Variants in DPP9 observed in about 807,000 individuals in gnomAD.
The protein encoded by DPP9 is dipeptidyl peptidase IV-related protein-2.
Under a neutral mutation model 110.7 loss-of-function variants are expected in DPP9, and 50 were observed. That is an observed-to-expected ratio of 0.45 (90% CI 0.36 to 0.57). The LOEUF (loss-of-function observed/expected upper bound fraction) is 0.57. Ranked by LOEUF, DPP9 falls within the 20% of genes least tolerant of loss-of-function variation. The probability of loss-of-function intolerance (pLI) is 0.00; values close to 1 mark genes in which losing one functional copy is unlikely to be tolerated. For missense variants in DPP9, 1,022 were observed against 1,217.9 expected (o/e 0.84, Z 2.39); for synonymous variants, 561 against 514.4 (o/e 1.09, Z -1.23).
Position 4,694,384 on chromosome 19 carries a change from G to A in DPP9, c.1516+277C>T, listed in dbSNP as rs1471125230. The A allele has an allele frequency of 1.9e-6, 1 of 521,534 alleles. No homozygotes were observed. The highest frequency in any genetic ancestry group is 1.9e-5 in the African/African-American group (1 of 51,886). 32.3% of individuals were successfully genotyped at this position (521,534 alleles called of 1,614,324 possible). A position where few individuals can be genotyped will look rare whatever the true frequency, so the allele number is the denominator to read the frequency against. ...TGAACACAGGTGGTGGGCCGGATTT[G>A]ACCTGTGGGCCGTAGGTGGCCAACC... On this transcript the variant is annotated intron_variant, in intron 13 of 21. Coordinates refer to ENST00000262960, the MANE Select transcript of DPP9 (RefSeq NM_139159.5). The surrounding 1 kb of genome is among the most constrained non-coding windows in gnomAD (Gnocchi z 4.0).
chr19:4,681,842 C>CTT (rs778786711), intron 20 of DPP9, among the ~76,000 whole-genome samples: 46 of 115,706 alleles, frequency 4.0e-4, no homozygotes, highest in South Asian at 5.6e-4. Flanking sequence ...CCCAGGCAGA[C>CTT]TTTTTTTTTT....
chr19:4,688,850 G>A lies in DPP9; in HGVS notation c.1792C>T (p.Pro598Ser). 1 of 1,516,572 alleles carries A rather than the reference G, an allele frequency of 6.6e-7. No homozygotes were observed. Among genetic ancestry groups the A allele is most frequent in the Non-Finnish European group, 8.7e-7 (1 of 1,146,182 alleles). The allele number at this position is 1,516,572 out of a possible 1,614,324, so 93.9% of individuals were successfully genotyped here. A position where few individuals can be genotyped will look rare whatever the true frequency, so the allele number is the denominator to read the frequency against. Residue 598 changes from proline to serine, a missense_variant, in exon 16 of 22, where the codon CCG (proline) becomes TCG (serine). By Grantham distance (74) the Pro-to-Ser change is moderately conservative. Coordinates refer to ENST00000262960, the MANE Select transcript of DPP9 (RefSeq NM_139159.5). ...FVSHYSSVST[P>S]PCVHVYKLSG... The stretch of plus-strand genomic sequence containing the variant: ...AGCTTGTAGACGTGCACGCAGGGCG[G>A]CGTGCTCACGCTGCTGTAGTGGCTG...
At chr19:4,712,766 G>C (rs543078406) in intron 4 of DPP9, among the ~76,000 whole-genome samples, 1 of 152,340 alleles carries the variant, frequency 6.6e-6, no homozygotes, top group South Asian at 2.1e-4. Flanking sequence ...TTGTTTGCCA[G>C]ACCACCATCT....
Position 4,722,561 on chromosome 19 carries a change from A to G in DPP9, c.-88-10T>C. 2 of 703,032 alleles carry G rather than the reference A, an allele frequency of 2.8e-6. No individual in the cohort carries two copies. The highest frequency in any genetic ancestry group is 5.2e-6 in the Non-Finnish European group (2 of 384,978). The allele number at this position is 703,032 out of a possible 1,614,324, so 43.5% of individuals were successfully genotyped here. ...GGCGTGGGACACAGACCTTTATAGG[A>G]TAAACATGTCATGAATGTGGCAGGT... On this transcript the variant is annotated splice_polypyrimidine_tract_variant and intron_variant, in intron 1 of 21. Transcript: ENST00000262960.
chr19:4,685,345 G>A lies in DPP9; in HGVS notation c.2031+281C>T, dbSNP rs2145424974. 1 of 611,692 alleles carries A rather than the reference G, an allele frequency of 1.6e-6. No homozygotes were observed. Among genetic ancestry groups the A allele is most frequent in the Non-Finnish European group, 3.1e-6 (1 of 327,098 alleles). 37.9% of individuals were successfully genotyped at this position (611,692 alleles called of 1,614,324 possible). A position where few individuals can be genotyped will look rare whatever the true frequency, so the allele number is the denominator to read the frequency against. On this transcript the variant is annotated intron_variant, in intron 17 of 21. Coordinates refer to ENST00000262960, the MANE Select transcript of DPP9 (RefSeq NM_139159.5). This position sits in a 1 kb window ranked among gnomAD's most constrained non-coding sequence, Gnocchi z 5.8. ...ATGGCCACCTCCATACCAACCTGGA[G>A]ACTAGGGGACTTCCTAGAGGAACAA...
intron 10 of DPP9, among the ~76,000 whole-genome samples, chr19:4,699,986 C>T (rs2092123105): frequency 6.6e-6 from 1 of 152,218 alleles, no homozygotes; most frequent in Non-Finnish European, 1.5e-5. Context: ...GGCCTCCAGT[C>T]TCAGGACCCA....
At position 4,687,231 on chromosome 19, in the gene DPP9, G is replaced by C. The variant is rs2090837644; in HGVS notation, c.1886-1460C>G. ...CTCAGGGGTGAGGGCATCACAAAAT[G>C]CTTTCCAGCCCACGGAATACCCCGC... On this transcript the variant is annotated intron_variant, in intron 16 of 21. Transcript: ENST00000262960. The surrounding 1 kb of genome is among the most constrained non-coding windows in gnomAD (Gnocchi z 4.7). Among the ~76,000 whole-genome samples, 1 of 152,118 alleles carries C rather than the reference G, an allele frequency of 6.6e-6. No homozygotes were observed. Among genetic ancestry groups the C allele is most frequent in the African/African-American group, 2.4e-5 (1 of 41,422 alleles).
chr19:4,707,277 G>A (rs899231065), intron 4 of DPP9, among the ~76,000 whole-genome samples: 1 of 152,146 alleles, frequency 6.6e-6, no homozygotes, highest in Admixed American at 6.6e-5. Context: ...GGTCCTTAGT[G>A]GCAAATAAAA....
Position 4,694,470 on chromosome 19 carries a change from G to T in DPP9, c.1516+191C>A. On this transcript the variant is annotated intron_variant, in intron 13 of 21. Coordinates refer to ENST00000262960, the MANE Select transcript of DPP9 (RefSeq NM_139159.5). The surrounding 1 kb of genome is among the most constrained non-coding windows in gnomAD (Gnocchi z 4.0). ...CTCAGTAAATCTGCTGCCTGAATAA[G>T]CCAACAGTTGGGTGCTCTAAGCCCT... 1 of 706,808 alleles carries T rather than the reference G, an allele frequency of 1.4e-6. No individual in the cohort carries two copies. The highest frequency in any genetic ancestry group is 2.3e-6 in the Non-Finnish European group (1 of 435,994). The allele number at this position is 706,808 out of a possible 1,614,324, so 43.8% of individuals were successfully genotyped here. A position where few individuals can be genotyped will look rare whatever the true frequency, so the allele number is the denominator to read the frequency against.
rs1011946051 is a variant in DPP9 at position 4,683,800 on chromosome 19, C to G, written c.2179-171G>C. On this transcript the variant is annotated intron_variant, in intron 18 of 21. Coordinates refer to ENST00000262960, the MANE Select transcript of DPP9 (RefSeq NM_139159.5). The stretch of plus-strand genomic sequence containing the variant: ...AACCCTGCCTGCTATCTGGGGATGG[C>G]TGGACAGATCCAGCAGCCATCTTGC... The G allele has an allele frequency of 4.5e-6, 7 of 1,541,294 alleles. No homozygotes were observed. The African/African-American group carries it at 6.8e-5, about 15-fold the overall frequency.
intron 21 of DPP9, among the ~76,000 whole-genome samples, chr19:4,677,845 C>T (rs1010640677): frequency 2.0e-5 from 3 of 152,194 alleles, no homozygotes; most frequent in Admixed American, 6.5e-5. Context: ...CTGTCTGGCT[C>T]CCCAATGAGC....
At chr19:4,683,916 A>G (rs2090297112) in intron 18 of DPP9, 2 of 1,129,862 alleles carry the variant, frequency 1.8e-6, no homozygotes, top group Non-Finnish European at 1.2e-6. Flanking sequence ...ATTAACAGGA[A>G]GAGGACCCAT....
At chr19:4,719,235 G>A (rs2109068) in intron 3 of DPP9, 2,822 of 152,346 alleles carry the variant, frequency 0.019, 43 homozygotes, top group African/African-American at 0.042. Context: ...GGCTGAGGCA[G>A]AAGAATCGCT....
At position 4,704,355 on chromosome 19, in the gene DPP9, C is replaced by G; in HGVS notation, c.427-51G>C. On this transcript the variant is annotated intron_variant, in intron 5 of 21. Transcript: ENST00000262960. The surrounding 1 kb of genome is among the most constrained non-coding windows in gnomAD (Gnocchi z 6.0). ...CAGCGTCAGTGGGCAAAGAGGATCT[C>G]CCGCTGGCCAGGGCAGAGATCCTCG... 1 of 1,576,602 alleles carries G rather than the reference C, an allele frequency of 6.3e-7. No homozygotes were observed. Among genetic ancestry groups the G allele is most frequent in the South Asian group, 1.1e-5 (1 of 89,944 alleles).
At chr19:4,701,060 T>C (rs907899897) in intron 9 of DPP9, among the ~76,000 whole-genome samples, 14 of 152,194 alleles carry the variant, frequency 9.2e-5, no homozygotes, top group African/African-American at 3.4e-4. Flanking sequence ...GCAATAACGA[T>C]GCTCTTATAT....
intron 19 of DPP9, chr19:4,683,098 T>TGCC: frequency 6.7e-7 from 1 of 1,481,540 alleles, no homozygotes; most frequent in East Asian, 2.7e-5. Flanking sequence ...ACTGCCCGTC[T>TGCC]GCCTCCTCCT....
intron 20 of DPP9, among the ~76,000 whole-genome samples, chr19:4,680,371 C>G (rs1032563824): frequency 1.3e-5 from 2 of 151,904 alleles, no homozygotes; most frequent in African/African-American, 4.8e-5. Context: ...TACCACTGCA[C>G]TCCAGCCTGG....
At chr19:4,711,879 A>G (rs1309828868) in intron 4 of DPP9, among the ~76,000 whole-genome samples, 1 of 151,874 alleles carries the variant, frequency 6.6e-6, no homozygotes, top group Non-Finnish European at 1.5e-5. Context: ...AGAAGTTCCA[A>G]CGTTGTGGCC....
In DPP9 at chr19:4,682,757, T is replaced by A. The variant is rs769675451; in HGVS notation, c.2413A>T (p.Asn805Tyr). The A allele has an allele frequency of 1.9e-6, 3 of 1,607,460 alleles. No individual in the cohort carries two copies. The highest frequency in any genetic ancestry group is 2.5e-6 in the Non-Finnish European group (3 of 1,177,306). Reference protein sequence around the residue: ...YTERYMDVPENNQHGYEAGSV... With the variant: ...YTERYMDVPEYNQHGYEAGSV... Reference sequence around the variant, plus strand: ...CCCGCCTCATAGCCGTGCTGGTTGTTCTCAGGGACGTCCATGTAGCGCTCA... The same window carrying A: ...CCCGCCTCATAGCCGTGCTGGTTGTACTCAGGGACGTCCATGTAGCGCTCA... Residue 805 changes from asparagine (N) to tyrosine (Y), a missense_variant, in exon 20 of 22, where the codon AAC becomes TAC. Physicochemically the swap from Asn to Tyr is moderately radical, Grantham distance 143. Coordinates refer to ENST00000262960, the MANE Select transcript of DPP9 (RefSeq NM_139159.5). This position sits in a 1 kb window ranked among gnomAD's most constrained non-coding sequence, Gnocchi z 7.1.
Sources: gnomAD v4.1 joint callset for allele counts (sites outside exome capture counted in the v4.1 genomes callset) on GRCh38, gnomAD v4.1.1 for gene constraint, Gnocchi (gnomAD v3.1) non-coding constraint, MANE v1.5 for transcripts, NCBI Gene and HGNC (gene_info 2026-07-23, HGNC 2026-07-21) for gene names.